Variants in RPAP2 observed in about 807,000 individuals in gnomAD.
The protein encoded by RPAP2 is putative RNA polymerase II subunit B1 CTD phosphatase RPAP2.
A neutral mutation model predicts 73.1 loss-of-function variants in RPAP2; 52 were observed. The observed-to-expected ratio is 0.71, with a 90% CI of 0.57 to 0.90. The LOEUF is 0.90. Ranked by LOEUF, RPAP2 falls within the 40% of genes least tolerant of loss-of-function variation. The pLI, the probability that RPAP2 is intolerant of heterozygous loss-of-function variation, is 0.00. For missense variants in RPAP2, 598 were observed against 701.8 expected (o/e 0.85, Z 1.67); for synonymous variants, 225 against 242.1 (o/e 0.93, Z 0.65).
chr1:92,332,875 A>G (rs1048499035), intron 8 of RPAP2, among the ~76,000 whole-genome samples: 13 of 152,156 alleles, frequency 8.5e-5, no homozygotes, highest in African/African-American at 3.1e-4. Context: ...AATTCTTTAT[A>G]GCCTCGTTAG....
intron 11 of RPAP2, among the ~76,000 whole-genome samples, chr1:92,374,984 A>G (rs1396347511): frequency 1.3e-5 from 2 of 152,158 alleles, no homozygotes; most frequent in Non-Finnish European, 2.9e-5. Flanking sequence ...AATTTAATAA[A>G]TAAATAAAAA....
Position 92,327,038 on chromosome 1 carries a change from T to C in RPAP2, c.1455+2663T>C, listed in dbSNP as rs1652675835. Among the ~76,000 whole-genome samples, 5 of 152,260 alleles carry C rather than the reference T, an allele frequency of 3.3e-5. No homozygotes were observed. The South Asian group carries it at 1.0e-3, about 32-fold the overall frequency. ...ATCATATGGTCTATCTCGGAGACTG[T>C]TCCATGTGCTGATGAATAGAATGTA... On this transcript the variant is annotated intron_variant, in intron 8 of 12. Transcript: ENST00000610020.
At chr1:92,312,017 C>T (rs1381028015) in intron 6 of RPAP2, among the ~76,000 whole-genome samples, 1 of 152,078 alleles carries the variant, frequency 6.6e-6, no homozygotes, top group Admixed American at 6.5e-5. Flanking sequence ...AATAAGACAA[C>T]CCCAGGTTTG....
At chr1:92,319,493 C>T (rs1024276423) in intron 6 of RPAP2, among the ~76,000 whole-genome samples, 3 of 152,084 alleles carry the variant, frequency 2.0e-5, no homozygotes, top group Non-Finnish European at 2.9e-5. Context: ...CTGGCAGGCG[C>T]GGTGGCTCAC....
intron 11 of RPAP2, among the ~76,000 whole-genome samples, chr1:92,374,184 A>G (rs963362824): frequency 2.0e-5 from 3 of 152,200 alleles, no homozygotes; most frequent in African/African-American, 4.8e-5. Context: ...GAGAGATTAT[A>G]AAGAATCAGG....
intron 8 of RPAP2, among the ~76,000 whole-genome samples, chr1:92,328,173 T>C (rs1249103156): frequency 6.6e-6 from 1 of 152,340 alleles, no homozygotes; most frequent in East Asian, 1.9e-4. Context: ...AGGTGTTCTT[T>C]GAGCTTCTTG....
At chr1:92,299,305 C>T (rs911090249) in intron 1 of RPAP2, among the ~76,000 whole-genome samples, 159 bp downstream of exon 1, 10 of 152,230 alleles carry the variant, frequency 6.6e-5, no homozygotes, top group Non-Finnish European at 1.5e-4. Context: ...TCCGCACCTC[C>T]TGGGAAAGAT....
chr1:92,400,497 A>C lies in RPAP2; in HGVS notation c.*13486A>C, dbSNP rs911094345. On this transcript the variant is annotated 3_prime_UTR_variant, in exon 13 of 13. Coordinates refer to ENST00000610020, the MANE Select transcript of RPAP2 (RefSeq NM_024813.3). ...ACCATACCCAGCTAATATTTTTTTT[A>C]ATTTTATATTTTTTAGAGACAGGGT... The C allele has an allele frequency of 6.6e-6, 1 of 151,824 alleles. No individual in the cohort carries two copies. The highest frequency in any genetic ancestry group is 2.4e-5 in the African/African-American group (1 of 41,318). 9.4% of individuals were successfully genotyped at this position (151,824 alleles called of 1,614,324 possible). A position where few individuals can be genotyped will look rare whatever the true frequency, so the allele number is the denominator to read the frequency against.
At chr1:92,351,328 AGAAAG>A (rs1557618909) in intron 11 of RPAP2, among the ~76,000 whole-genome samples, 2 of 141,470 alleles carry the variant, frequency 1.4e-5, no homozygotes, top group African/African-American at 2.7e-5. Context: ...AAAAAAAAAA[AGAAAG>A]GACCATAATG....
intron 6 of RPAP2, among the ~76,000 whole-genome samples, chr1:92,310,793 A>T (rs1054516539): frequency 2.0e-5 from 3 of 152,014 alleles, no homozygotes; most frequent in African/African-American, 7.3e-5. Flanking sequence ...GCTACTTGGG[A>T]GGCTGAGTAA....
intron 10 of RPAP2, among the ~76,000 whole-genome samples, chr1:92,338,648 ATTT>A (rs11455274): frequency 1.3e-4 from 18 of 142,654 alleles, no homozygotes; most frequent in Non-Finnish European, 1.2e-4. Flanking sequence ...CTGATCATTG[ATTT>A]TTTTTTTTTT....
At chr1:92,381,734 A>G (rs894814048) in intron 12 of RPAP2, among the ~76,000 whole-genome samples, 1 of 151,852 alleles carries the variant, frequency 6.6e-6, no homozygotes, top group Admixed American at 6.6e-5. Context: ...TCCCACAAGC[A>G]TACTTGATGT....
intron 6 of RPAP2, among the ~76,000 whole-genome samples, chr1:92,310,796 C>CT (rs1651548649): frequency 1.3e-5 from 2 of 152,084 alleles, no homozygotes; most frequent in South Asian, 4.2e-4. Flanking sequence ...ACTTGGGAGG[C>CT]TGAGTAAGAA....
chr1:92,392,555 C>T lies in RPAP2; in HGVS notation c.*5544C>T, dbSNP rs544531998. Reference sequence around the variant, plus strand: ...GCCAGGGCAATCAGGCAAGAGAAAGCAATAAAGCATATTCAAATAGGAAGA... The same window carrying T: ...GCCAGGGCAATCAGGCAAGAGAAAGTAATAAAGCATATTCAAATAGGAAGA... On this transcript the variant is annotated 3_prime_UTR_variant, in exon 13 of 13. Transcript: ENST00000610020. 4 of 152,224 alleles carry T rather than the reference C, an allele frequency of 2.6e-5. No individual in the cohort carries two copies. Among genetic ancestry groups the T allele is most frequent in the East Asian group, 1.9e-4 (1 of 5,186 alleles). The allele number at this position is 152,224 out of a possible 1,614,324, so 9.4% of individuals were successfully genotyped here.
chr1:92,374,090 A>G (rs1655289777), intron 11 of RPAP2, among the ~76,000 whole-genome samples: 1 of 152,204 alleles, frequency 6.6e-6, no homozygotes, highest in East Asian at 1.9e-4. Flanking sequence ...TTATGGCTGT[A>G]TTTGAAATAA....
intron 5 of RPAP2, among the ~76,000 whole-genome samples, chr1:92,306,331 A>G (rs1030831053): frequency 6.6e-6 from 1 of 152,248 alleles, no homozygotes; most frequent in East Asian, 1.9e-4. Flanking sequence ...CCACTGTGCT[A>G]TATACTTAAA....
intron 11 of RPAP2, among the ~76,000 whole-genome samples, chr1:92,349,703 G>A (rs1654100818): frequency 6.6e-6 from 1 of 152,120 alleles, no homozygotes; most frequent in African/African-American, 2.4e-5. Flanking sequence ...TGAGGCAGGA[G>A]GATTGCTTGA....
rs947405893 is a variant in RPAP2, at chr1:92,396,390, C to T, written c.*9379C>T. The T allele has an allele frequency of 3.3e-5, 5 of 151,200 alleles. No individual in the cohort carries two copies. Among genetic ancestry groups the T allele is most frequent in the Non-Finnish European group, 5.9e-5 (4 of 67,902 alleles). The allele number at this position is 151,200 out of a possible 1,614,324, so 9.4% of individuals were successfully genotyped here. A position where few individuals can be genotyped will look rare whatever the true frequency, so the allele number is the denominator to read the frequency against. On this transcript the variant is annotated 3_prime_UTR_variant, in exon 13 of 13. Coordinates refer to ENST00000610020, the MANE Select transcript of RPAP2 (RefSeq NM_024813.3). ...GATTTCTTTAAATGATATATGTATA[C>T]AATGGAGTAGTGATATAGGCTACAA...
chr1:92,384,072 C>T (rs972354065), intron 12 of RPAP2, among the ~76,000 whole-genome samples: 12 of 151,868 alleles, frequency 7.9e-5, no homozygotes, highest in African/African-American at 2.9e-4. Context: ...GATTCTCCTG[C>T]CTCAGCCTCC....
Sources: gnomAD v4.1 joint callset for allele counts (sites outside exome capture counted in the v4.1 genomes callset) on GRCh38, gnomAD v4.1.1 for gene constraint, MANE v1.5 for transcripts, NCBI Gene and HGNC (gene_info 2026-07-23, HGNC 2026-07-21) for gene names.